RERE: variants seen among roughly 807,000 people sequenced by gnomAD.
RERE encodes arginine-glutamic acid dipeptide repeats.
RERE carries 40 observed loss-of-function variants against 146.1 expected under a neutral mutation model. That is an observed-to-expected ratio of 0.27 (90% confidence interval 0.21 to 0.36). The LOEUF is 0.36. Ranked by LOEUF, RERE falls within the 10% of genes least tolerant of loss-of-function variation. The probability of loss-of-function intolerance (pLI) is 1.00; values close to 1 mark genes in which losing one functional copy is unlikely to be tolerated. For synonymous variants in RERE, 1,003 were observed against 866.0 expected (o/e 1.16, Z -2.78); for missense variants, 1,933 against 2,138.7 (o/e 0.90, Z 1.90).
intron 1 of RERE, among the ~76,000 whole-genome samples, chr1:8,717,639 C>A (rs1284375729): frequency 6.6e-6 from 1 of 152,214 alleles, no homozygotes; most frequent in Non-Finnish European, 1.5e-5. Flanking sequence ...ATTCCTATTT[C>A]ATTTGCAATC....
At chr1:8,568,481 A>G (rs565131245) in intron 4 of RERE, among the ~76,000 whole-genome samples, 20 of 152,378 alleles carry the variant, frequency 1.3e-4, no homozygotes, top group Non-Finnish European at 2.6e-4. Context: ...AGAGGTGATT[A>G]GATCACAAGG....
At chr1:8,726,351 C>A (rs891441926) in intron 1 of RERE, among the ~76,000 whole-genome samples, 3 of 151,942 alleles carry the variant, frequency 2.0e-5, no homozygotes, top group Non-Finnish European at 4.4e-5. Context: ...GGGGTTTCAT[C>A]ACCATGTTGG....
intron 11 of RERE, among the ~76,000 whole-genome samples, chr1:8,426,982 A>T (rs746266556): frequency 1.3e-5 from 2 of 152,162 alleles, no homozygotes; most frequent in African/African-American, 4.8e-5. Flanking sequence ...TCCATATAAC[A>T]CTAGGCAGTT....
intron 12 of RERE, among the ~76,000 whole-genome samples, chr1:8,411,535 C>G (rs1465221274): frequency 6.6e-6 from 1 of 152,046 alleles, no homozygotes; most frequent in Admixed American, 6.5e-5. Context: ...GCTTCCCACC[C>G]ATCTCCCGTA....
intron 1 of RERE, among the ~76,000 whole-genome samples, chr1:8,746,675 G>A (rs1054948289): frequency 1.3e-5 from 2 of 151,796 alleles, no homozygotes; most frequent in African/African-American, 4.8e-5. Flanking sequence ...AGTCATGATC[G>A]TGGTCTGACT....
intron 8 of RERE, among the ~76,000 whole-genome samples, chr1:8,499,286 G>T (rs1381877801): frequency 2.6e-5 from 4 of 152,122 alleles, no homozygotes; most frequent in African/African-American, 4.8e-5. Flanking sequence ...AATAAAATAA[G>T]AATTATATAT....
intron 1 of RERE, among the ~76,000 whole-genome samples, chr1:8,758,937 C>T (rs1034328676): frequency 2.6e-5 from 4 of 151,530 alleles, no homozygotes; most frequent in Non-Finnish European, 5.9e-5. Context: ...TCATGGTATA[C>T]ACAATAAATG....
At chr1:8,800,913 C>T (rs1290303380) in intron 1 of RERE, among the ~76,000 whole-genome samples, 2 of 151,852 alleles carry the variant, frequency 1.3e-5, no homozygotes, top group Admixed American at 6.6e-5. Flanking sequence ...TGCAGTGAGC[C>T]GAGATTGCGC....
chr1:8,538,791 G>A (rs1645759868), intron 7 of RERE, among the ~76,000 whole-genome samples: 1 of 152,186 alleles, frequency 6.6e-6, no homozygotes, highest in Non-Finnish European at 1.5e-5. Context: ...TGACTAGAAA[G>A]GTCACTAAGG....
chr1:8,529,900 C>A (rs1645620428), intron 7 of RERE, among the ~76,000 whole-genome samples: 4 of 152,160 alleles, frequency 2.6e-5, no homozygotes, highest in Admixed American at 2.6e-4. Flanking sequence ...CCTTGCTTTA[C>A]ACTGAGTTCA....
chr1:8,385,313 T>C (rs1642598446), intron 12 of RERE, among the ~76,000 whole-genome samples: 1 of 152,160 alleles, frequency 6.6e-6, no homozygotes, highest in Non-Finnish European at 1.5e-5. Flanking sequence ...CATGCTTCCT[T>C]CCTCAAGAGT....
At chr1:8,521,175 T>TTAA (rs1645493115) in intron 7 of RERE, among the ~76,000 whole-genome samples, 1 of 19,902 alleles carries the variant, frequency 5.0e-5, no homozygotes, top group Non-Finnish European at 1.0e-4. Flanking sequence ...CTTCTTTTTT[T>TTAA]CAAAAAAAAA....
rs534744152 is a variant in RERE, at chr1:8,582,331, C to G, written c.523-24808G>C. Among the ~76,000 whole-genome samples the G allele has an allele frequency of 1.1e-3, 163 of 151,846 alleles. 2 individuals carry two copies. The highest frequency in any genetic ancestry group is 3.8e-3 in the African/African-American group (157 of 41,426). On this transcript the variant is annotated intron_variant, in intron 4 of 22. Coordinates refer to ENST00000400908, the MANE Select transcript of RERE (RefSeq NM_001042681.2). ...AAGCAATCCTACCGCCTCAGCCTCCCAAGTATTAATGACTGGGACTATAGG... is the reference window on the plus strand; with the variant it reads ...AAGCAATCCTACCGCCTCAGCCTCCGAAGTATTAATGACTGGGACTATAGG...
intron 1 of RERE, among the ~76,000 whole-genome samples, chr1:8,670,012 C>G (rs1270806307): frequency 3.3e-5 from 5 of 152,206 alleles, no homozygotes; most frequent in African/African-American, 7.2e-5. Context: ...CTCTTTTAAA[C>G]ACTTAGAATC....
intron 1 of RERE, among the ~76,000 whole-genome samples, chr1:8,774,951 C>CTTTTTTTTTT (rs869173167): frequency 1.1e-3 from 51 of 47,932 alleles, no homozygotes; most frequent in South Asian, 2.6e-3. Context: ...TTCTTTCTTT[C>CTTTTTTTTTT]TTTTTTTTTT....
chr1:8,642,966 A>C (rs1647199562), intron 2 of RERE, among the ~76,000 whole-genome samples: 1 of 152,198 alleles, frequency 6.6e-6, no homozygotes, highest in Non-Finnish European at 1.5e-5. Flanking sequence ...CTAGGGAATG[A>C]GTAAGTGCCT....
chr1:8,812,768 T>C (rs1641837830), intron 1 of RERE, among the ~76,000 whole-genome samples: 1 of 152,212 alleles, frequency 6.6e-6, no homozygotes, highest in African/African-American at 2.4e-5. Flanking sequence ...CATCTTATAT[T>C]ACTTGGCACA....
chr1:8,736,547 C>T (rs1640201566), intron 1 of RERE, among the ~76,000 whole-genome samples: 1 of 152,142 alleles, frequency 6.6e-6, no homozygotes. Flanking sequence ...TTTCTTTCAA[C>T]TTCTCAATAA....
intron 1 of RERE, among the ~76,000 whole-genome samples, chr1:8,731,786 TTG>T (rs1368603699): frequency 2.3e-4 from 33 of 144,004 alleles, no homozygotes; most frequent in Admixed American, 5.5e-4. Context: ...GTTTTTTTGT[TTG>T]TTTGTTTGTT....
Sources: gnomAD v4.1 joint callset for allele counts (sites outside exome capture counted in the v4.1 genomes callset) on GRCh38, gnomAD v4.1.1 for gene constraint, MANE v1.5 for transcripts, NCBI Gene and HGNC (gene_info 2026-07-23, HGNC 2026-07-21) for gene names.